Variants in ZNF536 observed in about 807,000 individuals in gnomAD.
The protein encoded by ZNF536 is zinc finger protein 536.
ZNF536 carries 13 observed loss-of-function variants against 84.5 expected under a neutral mutation model. The ratio of observed to expected loss-of-function variants is 0.15; its 90% CI spans 0.10 to 0.24. The LOEUF (loss-of-function observed/expected upper bound fraction) is 0.24, where lower values mean the gene tolerates loss of function less well. Ranked by LOEUF, ZNF536 falls within the 10% of genes least tolerant of loss-of-function variation. The probability of loss-of-function intolerance (pLI) is 1.00; values close to 1 mark genes in which losing one functional copy is unlikely to be tolerated. For synonymous variants in ZNF536, 811 were observed against 742.5 expected (o/e 1.09, Z -1.50); for missense variants, 1,536 against 1,747.5 (o/e 0.88, Z 2.16).
At chr19:30,394,637 G>A (rs1354093432) in intron 1 of ZNF536, among the ~76,000 whole-genome samples, 1 of 152,170 alleles carries the variant, frequency 6.6e-6, no homozygotes, top group Non-Finnish European at 1.5e-5. Flanking sequence ...TTCCATCTCT[G>A]GTGGTAATTG....
At chr19:30,333,172 A>C (rs546471066) in intron 2 of ZNF536, among the ~76,000 whole-genome samples, 2 of 151,996 alleles carry the variant, frequency 1.3e-5, no homozygotes, top group Admixed American at 1.3e-4. Flanking sequence ...TTAATAAGTA[A>C]GTAAGTAAAT....
chr19:30,531,326 C>T (rs982442573), intron 2 of ZNF536, among the ~76,000 whole-genome samples: 2 of 152,172 alleles, frequency 1.3e-5, no homozygotes, highest in Admixed American at 6.5e-5. Flanking sequence ...AAATGTTCCA[C>T]AGTGCAGGGC....
At chr19:30,560,807 A>T (rs2046136294), downstream of ZNF536, among the ~76,000 whole-genome samples, 1 of 152,228 alleles carries the variant, frequency 6.6e-6, no homozygotes, top group South Asian at 2.1e-4. Context: ...AAGTATAGTC[A>T]CTTTTTCTCA....
intron 2 of ZNF536, among the ~76,000 whole-genome samples, chr19:30,470,685 CT>C (rs36018979): frequency 0.26 from 32,961 of 125,706 alleles, 4,118 homozygotes; most frequent in East Asian, 0.45. Context: ...TGTAGACTGT[CT>C]TTTTTTTTTT....
chr19:30,610,024 A>G lies in ZNF536; in HGVS notation c.169+60510A>G, dbSNP rs115875241. 4.7e-3 allele frequency among the ~76,000 whole-genome samples: 713 copies of G among 152,262 alleles called. 6 individuals are homozygous for G. The highest frequency in any genetic ancestry group is 0.016 in the African/African-American group (680 of 41,570). ...TATCCATTCATCCATCCATCCATCCATGCATTCAGCCATCCATCCACTCAT... is the reference window on the plus strand; with the variant it reads ...TATCCATTCATCCATCCATCCATCCGTGCATTCAGCCATCCATCCACTCAT... On this transcript the variant is annotated intron_variant, in intron 1 of 1. Transcript: ENST00000592773.
chr19:30,447,912 C>T (rs2052428400), intron 2 of ZNF536, among the ~76,000 whole-genome samples: 1 of 152,202 alleles, frequency 6.6e-6, no homozygotes. Flanking sequence ...AAATGTTCAG[C>T]TTCATTAATG....
intron 1 of ZNF536, among the ~76,000 whole-genome samples, chr19:30,385,323 GC>G (rs2049293940): frequency 6.6e-6 from 1 of 152,308 alleles, no homozygotes; most frequent in African/African-American, 2.4e-5. Flanking sequence ...GGTTGTGGTG[GC>G]TGAAGCGGGA....
rs2025318998 is a variant in ZNF536, at chr19:30,263,183, A to G, written c.-189-20889A>G. On this transcript the variant is annotated intron_variant, in intron 1 of 5. Transcript: ENST00000585628. ...CAGAATGCAGCACAGCGCATAGCAA[A>G]CAGTACATGCTCAATAAATATTTGT... Among the ~76,000 whole-genome samples, 2 of 152,198 alleles carry G rather than the reference A, an allele frequency of 1.3e-5. 1 individual carries two copies. The highest frequency in any genetic ancestry group is 4.1e-4 in the South Asian group (2 of 4,824).
At chr19:30,682,109 G>A (rs997567542) in intron 1 of ZNF536, among the ~76,000 whole-genome samples, 15 of 152,184 alleles carry the variant, frequency 9.9e-5, no homozygotes, top group Middle Eastern at 3.4e-3. Context: ...AGGGGCTTGC[G>A]GACCACCAGG....
chr19:30,283,295 A>G (rs982254210), intron 1 of ZNF536, among the ~76,000 whole-genome samples: 1 of 152,206 alleles, frequency 6.6e-6, no homozygotes, highest in Non-Finnish European at 1.5e-5. Context: ...AGTGGGCTGG[A>G]GATCACAGGC....
chr19:30,410,767 C>A (rs965402249), intron 1 of ZNF536, among the ~76,000 whole-genome samples: 1 of 151,848 alleles, frequency 6.6e-6, no homozygotes, highest in Non-Finnish European at 1.5e-5. Context: ...CGTGAGCCAC[C>A]GCGCCCGGCC....
At position 30,453,268 on chromosome 19, in the gene ZNF536, C is replaced by T. The variant is rs144732574; in HGVS notation, c.2170+7536C>T. On this transcript the variant is annotated intron_variant, in intron 2 of 4. Transcript: ENST00000355537. ...AACCTGCTCACTGAGGCACCTGAGC[C>T]GGGCTGGGTTTCCCTGGGAGCCAGG... 9.9e-3 allele frequency among the ~76,000 whole-genome samples: 1,504 copies of T among 152,202 alleles called. 29 individuals carry two copies. Among genetic ancestry groups the T allele is most frequent in the African/African-American group, 0.034 (1,432 of 41,522 alleles).
chr19:30,517,812 A>G (rs2044146577), intron 2 of ZNF536, among the ~76,000 whole-genome samples: 1 of 152,020 alleles, frequency 6.6e-6, no homozygotes, highest in Non-Finnish European at 1.5e-5. Flanking sequence ...CATACATACA[A>G]ACAAAAAAAC....
intron 3 of ZNF536, among the ~76,000 whole-genome samples, chr19:30,361,225 A>C (rs929762379): frequency 2.0e-5 from 3 of 152,248 alleles, no homozygotes; most frequent in Admixed American, 6.5e-5. Context: ...GCCATTCGGC[A>C]CCCGACGGGA....
At chr19:30,547,862 A>C (rs2045614015) in intron 3 of ZNF536, 81 bp from the exon 4 acceptor site, 1 of 1,466,598 alleles carries the variant, frequency 6.8e-7, no homozygotes, top group African/African-American at 1.4e-5. Context: ...TTCAAAGAAC[A>C]AATGTTGATC....
At chr19:30,433,471 C>G (rs768583573) in intron 1 of ZNF536, among the ~76,000 whole-genome samples, 4 of 152,196 alleles carry the variant, frequency 2.6e-5, no homozygotes, top group Admixed American at 6.5e-5. Flanking sequence ...TCTGATAAGA[C>G]TGACAACAGG....
intron 1 of ZNF536, among the ~76,000 whole-genome samples, chr19:30,684,401 T>G (rs2051093081): frequency 6.6e-6 from 1 of 152,148 alleles, no homozygotes; most frequent in Non-Finnish European, 1.5e-5. Context: ...CCTCCCAAAG[T>G]GCTGGGATTA....
At chr19:30,590,120 C>T (rs760222945) in intron 1 of ZNF536, among the ~76,000 whole-genome samples, 2 of 152,258 alleles carry the variant, frequency 1.3e-5, no homozygotes, top group African/African-American at 2.4e-5. Context: ...CAGGCCTGGG[C>T]GGTGTTGATG....
intron 2 of ZNF536, among the ~76,000 whole-genome samples, chr19:30,462,555 T>C (rs1043648211): frequency 6.6e-6 from 1 of 152,148 alleles, no homozygotes; most frequent in African/African-American, 2.4e-5. Context: ...GTATGTGTAT[T>C]GATGTGTGCA....
Sources: allele counts gnomAD v4.1 joint callset (sites outside exome capture counted in the v4.1 genomes callset), GRCh38; gene constraint gnomAD v4.1.1; transcripts MANE v1.5; gene names NCBI Gene and HGNC (gene_info 2026-07-23, HGNC 2026-07-21).